The following TBL3 variants were observed in gnomAD, a reference collection of about 807,000 sequenced individuals.
TBL3 encodes the protein transducin beta like 3, also known as transducin beta-like protein 3.
In TBL3, 71 loss-of-function variants were observed where a neutral mutation model predicts 102.7. The observed-to-expected ratio is 0.69, with a 90% confidence interval of 0.57 to 0.84. The LOEUF is 0.84. Among genes scored for constraint, TBL3 ranks in the 40% least tolerant of loss-of-function variants. TBL3 has a pLI of 0.00. For synonymous variants in TBL3, 578 were observed against 477.7 expected (o/e 1.21, Z -2.74); for missense variants, 1,188 against 1,098.5 (o/e 1.08, Z -1.15).
In TBL3 at chr16:1,977,107, A is replaced by G; in HGVS notation, c.1494A>G (p.Ser498=). The G allele has an allele frequency of 1.2e-6, 2 of 1,613,078 alleles. No individual in the cohort carries two copies. The highest frequency in any genetic ancestry group is 1.7e-6 in the Non-Finnish European group (2 of 1,180,010). The change falls in exon 15 of 22, where the codon TCA becomes TCG. Residue 498 remains serine, a synonymous_variant. Coordinates refer to ENST00000568546, the MANE Select transcript of TBL3 (RefSeq NM_006453.3). ...APNDKLLATG[S]QDRTAKLWAL... is the part of the protein sequence containing the mutation. Reference sequence around the variant, plus strand: ...ACGACAAGCTGCTGGCCACAGGCTCACAGGACCGCACGGCCAAGCTCTGGG... The same window carrying G: ...ACGACAAGCTGCTGGCCACAGGCTCGCAGGACCGCACGGCCAAGCTCTGGG...
Position 1,979,357 on chromosome 16 carries a change from G to A in TBL3, c.*672G>A. 6.3e-7 allele frequency: 1 copy of A among 1,583,580 alleles called. No individual in the cohort carries two copies. Among genetic ancestry groups the A allele is most frequent in the Non-Finnish European group, 8.5e-7 (1 of 1,171,758 alleles). On this transcript the variant is annotated 3_prime_UTR_variant, in exon 22 of 22. Transcript: ENST00000568546. ...CCCGCCCGGTCGCCGTACCTGCGAG[G>A]GGCGGGGTGTGGTTAGGGCCCCGCC...
chr16:1,980,074 C>A lies in TBL3; in HGVS notation c.*1389C>A. ...AGGCCTATCCCGCGTGTCCTGGGTA[C>A]AGAAGGGCTGCAGGCAGCGCAGGCT... On this transcript the variant is annotated 3_prime_UTR_variant, in exon 22 of 22. Transcript: ENST00000568546. The A allele has an allele frequency of 6.2e-7, 1 of 1,607,944 alleles. No individual in the cohort carries two copies.
In TBL3 at chr16:1,982,754, G is replaced by A. The variant is rs12934655; in HGVS notation, c.*4069G>A. On this transcript the variant is annotated 3_prime_UTR_variant, in exon 22 of 22. Transcript: ENST00000568546. ...GGGCAACATGTTGAGACCTCCATCT[G>A]TGCCCCCCAAAAATACAAAAATTAG... The A allele has an allele frequency of 0.19, 28,926 of 151,874 alleles. 3,028 individuals carry two copies. Among genetic ancestry groups the A allele is most frequent in the South Asian group, 0.29 (1,384 of 4,814 alleles). The allele number at this position is 151,874 out of a possible 1,614,324, so 9.4% of individuals were successfully genotyped here.
At chr16:1,975,481 A>C in intron 9 of TBL3, 43 bp downstream of exon 9, 1 of 1,606,534 alleles carries the variant, frequency 6.2e-7, no homozygotes, top group Non-Finnish European at 8.5e-7. Flanking sequence ...GGGCTGGGGA[A>C]GGCCTGTGGA....
In TBL3 at chr16:1,979,135, T is replaced by C; in HGVS notation, c.*450T>C. The C allele has an allele frequency of 6.8e-7, 1 of 1,468,194 alleles. No homozygotes were observed. Among genetic ancestry groups the C allele is most frequent in the African/African-American group, 1.5e-5 (1 of 67,330 alleles). The allele number at this position is 1,468,194 out of a possible 1,614,324, so 90.9% of individuals were successfully genotyped here. A position where few individuals can be genotyped will look rare whatever the true frequency, so the allele number is the denominator to read the frequency against. On this transcript the variant is annotated 3_prime_UTR_variant, in exon 22 of 22. Coordinates refer to ENST00000568546, the MANE Select transcript of TBL3 (RefSeq NM_006453.3). ...CGCCGTGGGCGCCGCTCCAGGGCCC[T>C]GCGTGTGACGGTGCAGCAGCGGCTC...
Position 1,974,538 on chromosome 16 carries a change from G to C in TBL3, c.238G>C (p.Val80Leu). ...TCTGCTGACCTGTACCCTCCCCCAG[G>C]TGCTGGTGACAGCCAGTCGGGCATT... ...TAFDLSPDNE[V>L]LVTASRALLL... Residue 80 changes from valine (V) to leucine (L), a missense_variant and splice_region_variant, in exon 5 of 22, where the codon GTG (valine) becomes CTG (leucine). Coordinates refer to ENST00000568546, the MANE Select transcript of TBL3 (RefSeq NM_006453.3). The C allele has an allele frequency of 6.2e-7, 1 of 1,604,198 alleles. No homozygotes were observed. Among genetic ancestry groups the C allele is most frequent in the Non-Finnish European group, 8.5e-7 (1 of 1,173,566 alleles).
At position 1,978,076 on chromosome 16, in the gene TBL3, C is replaced by T. The variant is rs1027565352; in HGVS notation, c.2062+15C>T. The T allele has an allele frequency of 9.7e-5, 155 of 1,603,996 alleles. No individual in the cohort carries two copies. Among genetic ancestry groups the T allele is most frequent in the Non-Finnish European group, 1.3e-4 (148 of 1,174,584 alleles). On this transcript the variant is annotated intron_variant, in intron 19 of 21. Coordinates refer to ENST00000568546, the MANE Select transcript of TBL3 (RefSeq NM_006453.3). ...TGTCATCCAGGGTCAGTGCCCACCC[C>T]GGGGGGCGAGGGGCTGGGTCTTCGG...
chr16:1,976,401 G>A, intron 13 of TBL3, 87 bp downstream of exon 13: 1 of 1,201,580 alleles, frequency 8.3e-7, no homozygotes, highest in South Asian at 1.3e-5. Context: ...AGCTGGGGAG[G>A]CAGTGGCAGC....
chr16:1,973,997 C>T (rs767967564), intron 1 of TBL3, 59 bp from the exon 2 acceptor site: 57 of 1,483,054 alleles, frequency 3.8e-5, no homozygotes, highest in South Asian at 8.2e-5. Flanking sequence ...TAGCACAGGG[C>T]GGGGCCCTGG....
In TBL3 at chr16:1,977,769, G is replaced by A; in HGVS notation, c.1927G>A (p.Glu643Lys). 3 of 1,556,046 alleles carry A rather than the reference G, an allele frequency of 1.9e-6. No homozygotes were observed. The highest frequency in any genetic ancestry group is 2.6e-6 in the Non-Finnish European group (3 of 1,149,286). ...TGTGACCGAGGCGGAGCAGGCAGAG[G>A]AGCAGGCCAGGCAAGAGGAGCAGGT... ...KDVTEAEQAEEQARQEEQVVR... is the reference protein window; with the variant it reads ...KDVTEAEQAEKQARQEEQVVR... Residue 643 changes from glutamate to lysine, a missense_variant, in exon 18 of 22, where the codon GAG becomes AAG. Transcript: ENST00000568546.
intron 2 of TBL3, 24 bp downstream of exon 2, chr16:1,974,131 G>C: frequency 6.4e-7 from 1 of 1,573,076 alleles, no homozygotes; most frequent in Non-Finnish European, 8.7e-7. Flanking sequence ...GAAGGGCAGT[G>C]GGGCGGGCAG....
In TBL3 at chr16:1,979,624, T is replaced by C; in HGVS notation, c.*939T>C. On this transcript the variant is annotated 3_prime_UTR_variant, in exon 22 of 22. Coordinates refer to ENST00000568546, the MANE Select transcript of TBL3 (RefSeq NM_006453.3). ...GCACCCTTCTCCACATTCTCCTTGC[T>C]TGAGTCTGCTGACGGCGGGGCCGCT... is the stretch of plus-strand genomic sequence containing the variant. The C allele has an allele frequency of 7.3e-7, 1 of 1,364,312 alleles. No individual in the cohort carries two copies. The highest frequency in any genetic ancestry group is 1.0e-6 in the Non-Finnish European group (1 of 979,556). 84.5% of individuals were successfully genotyped at this position (1,364,312 alleles called of 1,614,324 possible).
intron 11 of TBL3, 50 bp downstream of exon 11, chr16:1,975,999 G>C (rs370719699): frequency 1.2e-6 from 2 of 1,614,084 alleles, no homozygotes; most frequent in Admixed American, 3.3e-5. Flanking sequence ...TCGGTCCCTT[G>C]CTTGCTTCCC....
At position 1,976,861 on chromosome 16, in the gene TBL3, A is replaced by C; in HGVS notation, c.1340A>C (p.Lys447Thr). The C allele has an allele frequency of 6.2e-7, 1 of 1,613,878 alleles. No individual in the cohort carries two copies. Among genetic ancestry groups the C allele is most frequent in the Non-Finnish European group, 8.5e-7 (1 of 1,179,994 alleles). The change falls in exon 14 of 22, where the codon AAG becomes ACG. Residue 447 changes from lysine to threonine, a missense_variant. By Grantham distance (78) the Lys-to-Thr change is moderately conservative (BLOSUM62 -1). Coordinates refer to ENST00000568546, the MANE Select transcript of TBL3 (RefSeq NM_006453.3). ...ACAGGCAGCCAGGACTGCACTGTGA[A>C]GCTGTGGCCTCTTCCCAAAGCCTTG... is the stretch of plus-strand genomic sequence containing the variant. ...LVTGSQDCTV[K>T]LWPLPKALLS... is the part of the protein sequence containing the mutation.
At chr16:1,974,873 G>A (rs1272403837) in intron 6 of TBL3, 26 bp downstream of exon 6, 5 of 1,612,886 alleles carry the variant, frequency 3.1e-6, no homozygotes, top group South Asian at 1.1e-5. Flanking sequence ...GAGGGGGAGG[G>A]CAGAGGCACC....
intron 1 of TBL3, among the ~76,000 whole-genome samples, chr16:1,973,697 GCTGGCTACCCAGGC>G (rs1176151189): frequency 6.6e-5 from 10 of 152,256 alleles, no homozygotes; most frequent in African/African-American, 2.4e-4. Context: ...TGTGCTCTGG[GCTGGCTACCCAGGC>G]CTGGCCACCC....
Position 1,979,955 on chromosome 16 carries a change from A to G in TBL3, c.*1270A>G, listed in dbSNP as rs1292448012. On this transcript the variant is annotated 3_prime_UTR_variant, in exon 22 of 22. Coordinates refer to ENST00000568546, the MANE Select transcript of TBL3 (RefSeq NM_006453.3). The stretch of plus-strand genomic sequence containing the variant: ...CAAATCTCGAGGCTCCCTCGGGTCC[A>G]GGAGCAGAGGAGCAAATCCCTGGGT... The G allele has an allele frequency of 1.9e-6, 3 of 1,580,818 alleles. No individual in the cohort carries two copies. The highest frequency in any genetic ancestry group is 2.3e-5 in the East Asian group (1 of 43,416).
chr16:1,974,393 C>T lies in TBL3; in HGVS notation c.207C>T (p.Ile69=). 1 of 1,610,910 alleles carries T rather than the reference C, an allele frequency of 6.2e-7. No homozygotes were observed. Among genetic ancestry groups the T allele is most frequent in the Non-Finnish European group, 8.5e-7 (1 of 1,178,354 alleles). ...TCTCCTAGGAGGACCAGGAGGACAT[C>T]ACTGCCTTTGACCTCAGCCCTGACA... ...RSLEQEDQED[I]TAFDLSPDNE... is the part of the protein sequence containing the mutation. The change falls in exon 4 of 22, where the codon ATC becomes ATT. Residue 69 remains isoleucine, a synonymous_variant. Coordinates refer to ENST00000568546, the MANE Select transcript of TBL3 (RefSeq NM_006453.3).
At chr16:1,976,164 G>C (rs571240063) in intron 12 of TBL3, 47 bp from the exon 13 acceptor site, 2 of 1,613,520 alleles carry the variant, frequency 1.2e-6, no homozygotes, top group Non-Finnish European at 1.7e-6. Context: ...GGGAGGCCAC[G>C]CAGTAGGCCC....
Sources: gnomAD v4.1 joint callset for allele counts (sites outside exome capture counted in the v4.1 genomes callset) on GRCh38, gnomAD v4.1.1 for gene constraint, MANE v1.5 for transcripts, NCBI Gene and HGNC (gene_info 2026-07-23, HGNC 2026-07-21) for gene names.